Variants in CFHR5 observed in about 807,000 individuals in gnomAD.
CFHR5 encodes complement factor H-related protein 5.
In CFHR5, 73 loss-of-function variants were observed where a neutral mutation model predicts 62.9. That is an observed-to-expected ratio of 1.16 (90% confidence interval 0.96 to 1.41). CFHR5 has a LOEUF of 1.41. Among genes scored for constraint, CFHR5 ranks in the 40% most tolerant of loss-of-function variants. The pLI, the probability that CFHR5 is intolerant of heterozygous loss-of-function variation, is 0.00. For synonymous variants in CFHR5, 249 were observed against 227.2 expected, an observed-to-expected ratio of 1.10 and a Z score of -0.86; for missense variants, 779 against 679.9, an observed-to-expected ratio of 1.15 and a Z score of -1.62.
upstream of CFHR5, among the ~76,000 whole-genome samples, chr1:196,977,076 G>A (rs1462205603): frequency 2.6e-5 from 4 of 151,710 alleles, no homozygotes; most frequent in African/African-American, 9.7e-5. Context: ...CAAAGTGCTG[G>A]GATTACAGGC....
chr1:196,981,887 A>T (rs2125026066), intron 1 of CFHR5, among the ~76,000 whole-genome samples: 1 of 152,050 alleles, frequency 6.6e-6, no homozygotes, highest in African/African-American at 2.4e-5. Flanking sequence ...TTGTTTTATT[A>T]TCTTTTTATT....
At chr1:196,976,181 T>C (rs1043197439), upstream of CFHR5, among the ~76,000 whole-genome samples, 1 of 152,212 alleles carries the variant, frequency 6.6e-6, no homozygotes, top group Non-Finnish European at 1.5e-5. Context: ...GGGACTTCTC[T>C]GGTTTCTTGA....
Position 196,986,101 on chromosome 1 carries a change from A to G in CFHR5, c.430+1964A>G, listed in dbSNP as rs1215050857. On this transcript the variant is annotated intron_variant, in intron 3 of 9. Transcript: ENST00000256785. ...CAGAGTCTCCAAAGTGAAAGAATTC[A>G]GCAGAACACTCTGTGCCTAAGGTTG... is the stretch of plus-strand genomic sequence containing the variant. Among the ~76,000 whole-genome samples, 5 of 152,220 alleles carry G rather than the reference A, an allele frequency of 3.3e-5. 1 individual carries two copies. Among genetic ancestry groups the G allele is most frequent in the Admixed American group, 2.0e-4 (3 of 15,280 alleles).
chr1:196,996,483 C>T (rs2125035337), intron 6 of CFHR5, among the ~76,000 whole-genome samples: 1 of 152,220 alleles, frequency 6.6e-6, no homozygotes, highest in Non-Finnish European at 1.5e-5. Context: ...AATAGTTATA[C>T]TTTCTATATG....
Position 197,008,797 on chromosome 1 carries a change from C to A in CFHR5, c.*114C>A. The stretch of plus-strand genomic sequence containing the variant: ...TTATTCTTTCAGGTGTTGTTTAACT[C>A]AGTTTTATTTAGAACTCTGGATTTT... On this transcript the variant is annotated 3_prime_UTR_variant, in exon 10 of 10. Transcript: ENST00000256785. 1 of 893,040 alleles carries A rather than the reference C, an allele frequency of 1.1e-6. No individual in the cohort carries two copies. Among genetic ancestry groups the A allele is most frequent in the East Asian group, 2.6e-5 (1 of 38,180 alleles). 55.3% of individuals were successfully genotyped at this position (893,040 alleles called of 1,614,324 possible).
In CFHR5 at chr1:197,008,501, T is replaced by C; in HGVS notation, c.1528T>C (p.Ser510Pro). ...PPRCLDPCVV[S>P]EENMNKNNIQ... ...TCTTCTTTCAGATCCATGTGTGGTA[T>C]CTGAAGAAAACATGAACAAAAATAA... Residue 510 changes from serine (S) to proline (P), a missense_variant, in exon 10 of 10, where the codon TCT (serine) becomes CCT (proline). Ser to Pro is a moderately conservative substitution (Grantham distance 74, BLOSUM62 -1). Transcript: ENST00000256785. The C allele has an allele frequency of 6.2e-7, 1 of 1,603,740 alleles. No individual in the cohort carries two copies.
chr1:196,998,327 TG>T (rs1465821282), intron 7 of CFHR5, 23 bp downstream of exon 7: 3 of 1,573,286 alleles, frequency 1.9e-6, no homozygotes, highest in Non-Finnish European at 2.6e-6. Context: ...TAAAACATTT[TG>T]TTGATCTTGT....
intron 3 of CFHR5, among the ~76,000 whole-genome samples, chr1:196,985,079 T>C (rs1362467278): frequency 6.6e-6 from 1 of 152,210 alleles, no homozygotes; most frequent in African/African-American, 2.4e-5. Flanking sequence ...TTTCTAAATT[T>C]TTTTTCAGTG....
intron 7 of CFHR5, among the ~76,000 whole-genome samples, chr1:197,000,198 G>T (rs1654113668): frequency 6.6e-6 from 1 of 152,080 alleles, no homozygotes; most frequent in Non-Finnish European, 1.5e-5. Context: ...CTTATTTAAA[G>T]TTTTGAGAAG....
At chr1:196,989,194 T>A (rs1273967946) in intron 3 of CFHR5, among the ~76,000 whole-genome samples, 1 of 152,212 alleles carries the variant, frequency 6.6e-6, no homozygotes, top group African/African-American at 2.4e-5. Flanking sequence ...TAGTTTGTAT[T>A]TCTGTGGGAT....
intron 7 of CFHR5, among the ~76,000 whole-genome samples, chr1:197,000,440 C>T (rs1654123561): frequency 6.6e-6 from 1 of 152,086 alleles, no homozygotes; most frequent in Non-Finnish European, 1.5e-5. Flanking sequence ...AATTTCTAAA[C>T]AGATGTCCAA....
intron 6 of CFHR5, 145 bp from the exon 7 acceptor site, chr1:196,997,983 C>T (rs1654038248): frequency 2.1e-5 from 11 of 525,088 alleles, no homozygotes; most frequent in Admixed American, 7.4e-5. Context: ...TTTCTTTTTC[C>T]AACAGCATTG....
chr1:196,984,531 G>A (rs1293852044), intron 3 of CFHR5, among the ~76,000 whole-genome samples: 1 of 152,096 alleles, frequency 6.6e-6, no homozygotes, highest in East Asian at 1.9e-4. Flanking sequence ...ATATGCTTGA[G>A]TCAATAAATC....
chr1:197,008,651 G>A lies in CFHR5; in HGVS notation c.1678G>A (p.Glu560Lys), dbSNP rs779087611. 8 of 1,613,636 alleles carry A rather than the reference G, an allele frequency of 5.0e-6. No individual in the cohort carries two copies. The African/African-American group carries it at 8.0e-5, about 16-fold the overall frequency. The change falls in exon 10 of 10, where the codon GAA becomes AAA. Residue 560 changes from glutamate (E) to lysine (K), a missense_variant. By Grantham distance (56) the Glu-to-Lys change is moderately conservative. Transcript: ENST00000256785. ...ACCACCATTTCGAGCAATCTGTCAG[G>A]AAGGGAAATTTGAATATCCTATATG... ...SSPPFRAICQ[E>K]GKFEYPICE
At chr1:196,977,884 C>T (rs570903091) in intron 1 of CFHR5, among the ~76,000 whole-genome samples, 162 bp downstream of exon 1, 95 of 152,210 alleles carry the variant, frequency 6.2e-4, no homozygotes, top group African/African-American at 2.2e-3. Context: ...TTCCAACATG[C>T]AATTAGCAGG....
At chr1:196,979,401 C>T (rs928204778) in intron 1 of CFHR5, among the ~76,000 whole-genome samples, 8 of 152,008 alleles carry the variant, frequency 5.3e-5, no homozygotes, top group African/African-American at 1.9e-4. Context: ...ATTGTATAGC[C>T]TACTACCTAA....
intron 1 of CFHR5, among the ~76,000 whole-genome samples, chr1:196,980,591 CGT>C (rs57437038): frequency 0.23 from 32,763 of 145,188 alleles, 4,090 homozygotes; most frequent in East Asian, 0.65. Context: ...TGTATATATA[CGT>C]GTGTGTGTGT....
At chr1:196,976,836 G>A (rs182987096), upstream of CFHR5, among the ~76,000 whole-genome samples, 799 of 120,612 alleles carry the variant, frequency 6.6e-3, 9 homozygotes, top group African/African-American at 0.027. Context: ...ACAGAGTCTC[G>A]CTCTGTCGCC....
chr1:196,998,187 C>T lies in CFHR5; in HGVS notation c.1030C>T (p.Leu344=). The T allele has an allele frequency of 6.2e-7, 1 of 1,601,442 alleles. No individual in the cohort carries two copies. Among genetic ancestry groups the T allele is most frequent in the Non-Finnish European group, 8.5e-7 (1 of 1,172,774 alleles). ...AGTTAATATAAAAACATTACTCAAG[C>T]TATCTGGGAAAGAATTTAATCATAA... ...AGVNIKTLLK[L]SGKEFNHNSR... is the part of the protein sequence containing the mutation. Residue 344 remains leucine (L), a synonymous_variant, in exon 7 of 10, where the codon CTA becomes TTA. Coordinates refer to ENST00000256785, the MANE Select transcript of CFHR5 (RefSeq NM_030787.4).
Sources: gnomAD v4.1 joint callset for allele counts (sites outside exome capture counted in the v4.1 genomes callset) on GRCh38, gnomAD v4.1.1 for gene constraint, MANE v1.5 for transcripts, NCBI Gene and HGNC (gene_info 2026-07-23, HGNC 2026-07-21) for gene names.